The following DUOXA1 variants were observed in gnomAD, a reference collection of about 807,000 sequenced individuals.
The protein encoded by DUOXA1 is dual oxidase activator 1.
A neutral mutation model predicts 26.6 loss-of-function variants in DUOXA1; 19 were observed. The ratio of observed to expected loss-of-function variants is 0.71; its 90% confidence interval spans 0.50 to 1.05. The LOEUF (loss-of-function observed/expected upper bound fraction) is 1.05. Ranked by LOEUF, DUOXA1 falls within the 50% of genes least tolerant of loss-of-function variation. The pLI, the probability that DUOXA1 is intolerant of heterozygous loss-of-function variation, is 0.00. For synonymous variants in DUOXA1, 166 were observed against 177.0 expected, an observed-to-expected ratio of 0.94 and a Z score of 0.49; for missense variants, 403 against 427.5, an observed-to-expected ratio of 0.94 and a Z score of 0.51.
At chr15:45,122,711 G>C (rs916057204) in intron 4 of DUOXA1, among the ~76,000 whole-genome samples, 157 bp downstream of exon 4, 2 of 152,140 alleles carry the variant, frequency 1.3e-5, no homozygotes, top group African/African-American at 4.8e-5. Context: ...GTGAACTGCT[G>C]AATCAATGAA....
Position 45,118,527 on chromosome 15 carries a change from T to C in DUOXA1, c.*579A>G. 1 of 993,394 alleles carries C rather than the reference T, an allele frequency of 1.0e-6. No individual in the cohort carries two copies. The highest frequency in any genetic ancestry group is 1.2e-6 in the Non-Finnish European group (1 of 835,524). 61.5% of individuals were successfully genotyped at this position (993,394 alleles called of 1,614,324 possible). A position where few individuals can be genotyped will look rare whatever the true frequency, so the allele number is the denominator to read the frequency against. Reference sequence around the variant, plus strand: ...AGATTCTTGGCAAGTCTTGCAATCTTATGTAGCAAATTTGGGAACTGAAGC... The same window carrying C: ...AGATTCTTGGCAAGTCTTGCAATCTCATGTAGCAAATTTGGGAACTGAAGC... On this transcript the variant is annotated 3_prime_UTR_variant, in exon 9 of 9. Transcript: ENST00000560572.
chr15:45,117,708 C>T lies in DUOXA1; in HGVS notation c.*1398G>A, dbSNP rs769271781. 1.9e-6 allele frequency: 3 copies of T among 1,613,506 alleles called. No individual in the cohort carries two copies. Among genetic ancestry groups the T allele is most frequent in the Non-Finnish European group, 2.5e-6 (3 of 1,179,612 alleles). On this transcript the variant is annotated 3_prime_UTR_variant, in exon 9 of 9. Transcript: ENST00000560572. ...TGCCCTCCTTTCTTTCGATCCCCAC[C>T]GCCACAGGCGTCCTGTGCCTCTTCC... is the stretch of plus-strand genomic sequence containing the variant.
rs765096521 is a variant in DUOXA1 at position 45,119,160 on chromosome 15, G to A, written c.978C>T (p.Ser326=). 100 of 1,609,996 alleles carry A rather than the reference G, an allele frequency of 6.2e-5. No individual in the cohort carries two copies. Among genetic ancestry groups the A allele is most frequent in the Non-Finnish European group, 8.5e-5 (100 of 1,176,676 alleles). ...SQDIPLSEAS[S]TKAYCKEAHP... ...GTGCCTCCTTACAGTATGCCTTGGTGGAGGAAGCCTCTGACAGGGGAATGT... is the reference window on the plus strand; with the variant it reads ...GTGCCTCCTTACAGTATGCCTTGGTAGAGGAAGCCTCTGACAGGGGAATGT... The change falls in exon 9 of 9, where the codon TCC becomes TCT. Residue 326 remains serine (S), a synonymous_variant. Coordinates refer to ENST00000560572, the MANE Select transcript of DUOXA1 (RefSeq NM_001276266.2).
Position 45,120,227 on chromosome 15 carries a change from G to A in DUOXA1, c.648C>T (p.Phe216=). Residue 216 remains phenylalanine (F), a synonymous_variant, in exon 8 of 9, where the codon TTC becomes TTT. Coordinates refer to ENST00000560572, the MANE Select transcript of DUOXA1 (RefSeq NM_001276266.2). ...GGYMLLATGI[F]QLLALLFFSM... ...AGAAGAAGAGCAGAGCCAACAGCTG[G>A]AAGATGCCCGTGGCCAATAGCATGT... The A allele has an allele frequency of 1.2e-6, 2 of 1,614,132 alleles. No homozygotes were observed. The highest frequency in any genetic ancestry group is 1.7e-6 in the Non-Finnish European group (2 of 1,180,006).
chr15:45,117,828 G>C lies in DUOXA1; in HGVS notation c.*1278C>G. On this transcript the variant is annotated 3_prime_UTR_variant, in exon 9 of 9. Transcript: ENST00000560572. ...CCAAGGACTGCAGCCAGGAGAGAGGGGGCTCACCTCTTATCCTCGGCGACC... is the reference window on the plus strand; with the variant it reads ...CCAAGGACTGCAGCCAGGAGAGAGGCGGCTCACCTCTTATCCTCGGCGACC... The C allele has an allele frequency of 6.2e-7, 1 of 1,613,852 alleles. No homozygotes were observed. Among genetic ancestry groups the C allele is most frequent in the Non-Finnish European group, 8.5e-7 (1 of 1,180,042 alleles).
At chr15:45,127,626 T>C (rs1221332270) in intron 3 of DUOXA1, among the ~76,000 whole-genome samples, 2 of 152,224 alleles carry the variant, frequency 1.3e-5, no homozygotes, top group Admixed American at 6.5e-5. Context: ...ACAGGGCTCA[T>C]GCATGAAGAG....
chr15:45,128,145 C>T (rs1322516193), intron 3 of DUOXA1, among the ~76,000 whole-genome samples: 1 of 152,218 alleles, frequency 6.6e-6, no homozygotes, highest in Non-Finnish European at 1.5e-5. Context: ...TTACCCAATC[C>T]TTACCTACCA....
At chr15:45,121,054 TC>T (rs771849444) in intron 6 of DUOXA1, 32 bp downstream of exon 6, 11 of 1,612,712 alleles carry the variant, frequency 6.8e-6, no homozygotes, top group South Asian at 4.4e-5. Flanking sequence ...GGCAGAGCCT[TC>T]CCCCCCACCA....
rs1443572648 is a variant in DUOXA1 at position 45,118,858 on chromosome 15, C to T, written c.*248G>A. Reference sequence around the variant, plus strand: ...TGGGTTGCTGTGCAGATAAGCTAGCCCCTGCTTGGCCTTATCATGGCAACA... The same window carrying T: ...TGGGTTGCTGTGCAGATAAGCTAGCTCCTGCTTGGCCTTATCATGGCAACA... On this transcript the variant is annotated 3_prime_UTR_variant, in exon 9 of 9. Coordinates refer to ENST00000560572, the MANE Select transcript of DUOXA1 (RefSeq NM_001276266.2). The T allele has an allele frequency of 8.2e-7, 1 of 1,221,572 alleles. No individual in the cohort carries two copies. The highest frequency in any genetic ancestry group is 1.0e-6 in the Non-Finnish European group (1 of 979,016). 75.7% of individuals were successfully genotyped at this position (1,221,572 alleles called of 1,614,324 possible). A position where few individuals can be genotyped will look rare whatever the true frequency, so the allele number is the denominator to read the frequency against.
chr15:45,121,034 T>A, intron 6 of DUOXA1, 53 bp downstream of exon 6: 1 of 1,610,470 alleles, frequency 6.2e-7, no homozygotes, highest in Non-Finnish European at 8.5e-7. Flanking sequence ...CAAACATAGA[T>A]CCCAAAGATG....
Position 45,119,329 on chromosome 15 carries a change from A to G in DUOXA1, c.809T>C (p.Val270Ala), listed in dbSNP as rs79897809. 1 of 1,612,980 alleles carries G rather than the reference A, an allele frequency of 6.2e-7. No individual in the cohort carries two copies. The highest frequency in any genetic ancestry group is 8.5e-7 in the Non-Finnish European group (1 of 1,179,706). ...CCTGTGAGGCTGCATCCTGTGGGCC[A>G]CCGCCATAGCCAGGCCCAGCAGCAC... is the stretch of plus-strand genomic sequence containing the variant. Reference protein sequence around the residue: ...LCVLLGLAMAVAHRMQPHRLK... With the variant: ...LCVLLGLAMAAAHRMQPHRLK... The change falls in exon 9 of 9, where the codon GTG becomes GCG. Residue 270 changes from valine (V) to alanine (A), a missense_variant. By Grantham distance (64) the Val-to-Ala change is moderately conservative (BLOSUM62 0). Transcript: ENST00000560572.
chr15:45,121,319 G>C (rs998434180), intron 5 of DUOXA1, 98 bp from the exon 6 acceptor site: 2 of 1,555,774 alleles, frequency 1.3e-6, no homozygotes, highest in Non-Finnish European at 1.8e-6. Flanking sequence ...TGTCTGTTTT[G>C]GTCATAACTG....
At chr15:45,119,623 C>A (rs1361330004) in intron 8 of DUOXA1, among the ~76,000 whole-genome samples, 2 of 151,596 alleles carry the variant, frequency 1.3e-5, no homozygotes, top group Non-Finnish European at 2.9e-5. Flanking sequence ...AGGGAGAACT[C>A]TGAAAATAGG....
chr15:45,122,747 G>A (rs1030289139), intron 4 of DUOXA1, 121 bp downstream of exon 4: 8 of 1,254,162 alleles, frequency 6.4e-6, no homozygotes, highest in Non-Finnish European at 7.6e-6. Flanking sequence ...CTGGGGTCGT[G>A]GCTATCTTTT....
chr15:45,127,478 CAGTT>C (rs1479259165), intron 3 of DUOXA1, among the ~76,000 whole-genome samples: 1 of 152,202 alleles, frequency 6.6e-6, no homozygotes, highest in Non-Finnish European at 1.5e-5. Context: ...AGCAAAAAAA[CAGTT>C]GGTAAATGAA....
intron 5 of DUOXA1, 92 bp downstream of exon 5, chr15:45,122,093 C>A (rs556970246): frequency 2.8e-6 from 4 of 1,414,366 alleles, no homozygotes; most frequent in Admixed American, 2.0e-5. Flanking sequence ...AAGGGCCCAC[C>A]GCTGTGGGGA....
At position 45,129,682 on chromosome 15, in the gene DUOXA1, G is replaced by A. The variant is rs1896011488; in HGVS notation, c.-302-67C>T. 6.5e-6 allele frequency: 1 copy of A among 152,776 alleles called. No individual in the cohort carries two copies. The highest frequency in any genetic ancestry group is 6.5e-5 in the Admixed American group (1 of 15,280). 9.5% of individuals were successfully genotyped at this position (152,776 alleles called of 1,614,324 possible). A position where few individuals can be genotyped will look rare whatever the true frequency, so the allele number is the denominator to read the frequency against. On this transcript the variant is annotated intron_variant, in intron 1 of 8. Transcript: ENST00000560572. The surrounding 1 kb of genome is among the most constrained non-coding windows in gnomAD (Gnocchi z 4.1). The stretch of plus-strand genomic sequence containing the variant: ...AGACCCGACGGTGTCGAGAGGATCT[G>A]AGGAGAGTCTCCCCTCCCCATACCC...
Position 45,118,671 on chromosome 15 carries a change from G to T in DUOXA1, c.*435C>A, listed in dbSNP as rs1894852182. On this transcript the variant is annotated 3_prime_UTR_variant, in exon 9 of 9. Coordinates refer to ENST00000560572, the MANE Select transcript of DUOXA1 (RefSeq NM_001276266.2). ...AGGCCACACAAGCTGGAGAAGTAAA[G>T]GAAGAACAAAAGGAACCCAGGAAAA... 1.0e-6 allele frequency: 1 copy of T among 992,718 alleles called. No individual in the cohort carries two copies. The highest frequency in any genetic ancestry group is 1.1e-4 in the East Asian group (1 of 9,004). The allele number at this position is 992,718 out of a possible 1,614,324, so 61.5% of individuals were successfully genotyped here.
chr15:45,119,460 C>G, intron 8 of DUOXA1, 95 bp from the exon 9 acceptor site: 1 of 1,461,878 alleles, frequency 6.8e-7, no homozygotes, highest in South Asian at 1.4e-5. Flanking sequence ...CTAAGGGAAG[C>G]CTAGAGCCCC....
Sources: gnomAD v4.1 joint callset for allele counts (sites outside exome capture counted in the v4.1 genomes callset) on GRCh38, gnomAD v4.1.1 for gene constraint, Gnocchi (gnomAD v3.1) non-coding constraint, MANE v1.5 for transcripts, NCBI Gene and HGNC (gene_info 2026-07-23, HGNC 2026-07-21) for gene names.